The following RRAS variants were observed in gnomAD, a reference collection of about 807,000 sequenced individuals.
The protein encoded by RRAS is ras-related protein R-Ras.
RRAS carries 18 observed loss-of-function variants against 23.3 expected under a neutral mutation model. The ratio of observed to expected loss-of-function variants is 0.77; its 90% confidence interval spans 0.53 to 1.15. The LOEUF (loss-of-function observed/expected upper bound fraction) is 1.15, where lower values mean the gene tolerates loss of function less well. Among genes scored for constraint, RRAS ranks in the 50% most tolerant of loss-of-function variants. The probability of loss-of-function intolerance (pLI) is 0.00; values close to 1 mark genes in which losing one functional copy is unlikely to be tolerated. For missense variants in RRAS, 291 were observed against 317.1 expected, an observed-to-expected ratio of 0.92 and a Z score of 0.62; for synonymous variants, 133 against 138.3, an observed-to-expected ratio of 0.96 and a Z score of 0.27.
At chr19:49,635,706 A>G (rs774957900) in intron 5 of RRAS, 28 bp downstream of exon 5, 2 of 1,544,058 alleles carry the variant, frequency 1.3e-6, no homozygotes, top group South Asian at 1.2e-5. Context: ...GCTGGGGACA[A>G]GGACGACAGG....
At position 49,636,881 on chromosome 19, in the gene RRAS, T is replaced by G. The variant is rs1192219858; in HGVS notation, c.287A>C (p.Gln96Pro). Residue 96 changes from glutamine to proline, a missense_variant, in exon 3 of 6, where the codon CAG (glutamine) becomes CCG (proline). Physicochemically the swap from Gln to Pro is moderately conservative, Grantham distance 76. Transcript: ENST00000246792. This position sits in a 1 kb window ranked among gnomAD's most constrained non-coding sequence, Gnocchi z 4.5. ...GQEEFGAMRE[Q>P]YMRAGHGFLL... is the part of the protein sequence containing the mutation. ...GAAGCCGTGGCCAGCACGCATGTAC[T>G]GCTCTCTCATGGCCCCGAACTCTTC... The G allele has an allele frequency of 6.2e-7, 1 of 1,613,552 alleles. No individual in the cohort carries two copies.
intron 2 of RRAS, 42 bp downstream of exon 2, chr19:49,637,001 C>G: frequency 1.9e-6 from 3 of 1,608,854 alleles, no homozygotes; most frequent in Non-Finnish European, 2.6e-6. Context: ...TCAGCCCCCA[C>G]TGACACCACC....
chr19:49,636,669 A>G lies in RRAS; in HGVS notation c.403T>C (p.Phe135Leu). 1.9e-6 allele frequency: 3 copies of G among 1,614,132 alleles called. No individual in the cohort carries two copies. The highest frequency in any genetic ancestry group is 1.7e-6 in the Non-Finnish European group (2 of 1,179,984). Reference sequence around the variant, plus strand: ...TTGTTCCCGACCAACACAACGGGGAAGTCGTCGCGGTCCTTGACCCGCAGA... The same window carrying G: ...TTGTTCCCGACCAACACAACGGGGAGGTCGTCGCGGTCCTTGACCCGCAGA... ...QILRVKDRDD[F>L]PVVLVGNKAD... Residue 135 changes from phenylalanine (F) to leucine (L), a missense_variant, in exon 4 of 6, where the codon TTC becomes CTC. Transcript: ENST00000246792. This position sits in a 1 kb window ranked among gnomAD's most constrained non-coding sequence, Gnocchi z 4.5.
At chr19:49,638,176 CG>C (rs2081005700) in intron 1 of RRAS, among the ~76,000 whole-genome samples, 1 of 152,130 alleles carries the variant, frequency 6.6e-6, no homozygotes, top group African/African-American at 2.4e-5. Context: ...AATCCGGCTG[CG>C]GAGAGGCTGC....
intron 1 of RRAS, among the ~76,000 whole-genome samples, chr19:49,638,400 G>A (rs765075081): frequency 1.5e-4 from 23 of 152,202 alleles, no homozygotes; most frequent in Admixed American, 5.2e-4. Context: ...GCGGTAGCAT[G>A]TCAGGCCAAG....
At position 49,636,987 on chromosome 19, in the gene RRAS, G is replaced by C; in HGVS notation, c.241+56C>G. On this transcript the variant is annotated intron_variant, in intron 2 of 5. Transcript: ENST00000246792. This position sits in a 1 kb window ranked among gnomAD's most constrained non-coding sequence, Gnocchi z 4.5. ...AGGCTCCCCGCAGTCACCCCCAAGA[G>C]CCCTCAGCCCCCACTGACACCACCC... 1 of 1,606,056 alleles carries C rather than the reference G, an allele frequency of 6.2e-7. No individual in the cohort carries two copies. Among genetic ancestry groups the C allele is most frequent in the East Asian group, 2.2e-5 (1 of 44,822 alleles).
At chr19:49,639,091 G>A (rs2081010107) in intron 1 of RRAS, among the ~76,000 whole-genome samples, 1 of 152,034 alleles carries the variant, frequency 6.6e-6, no homozygotes, top group African/African-American at 2.4e-5. Context: ...GCCAGGGTCT[G>A]GGTAGAATTT....
intron 1 of RRAS, among the ~76,000 whole-genome samples, chr19:49,638,700 A>G (rs1196143019): frequency 2.6e-5 from 4 of 152,134 alleles, no homozygotes; most frequent in Admixed American, 1.3e-4. Flanking sequence ...GAGGTGGCTC[A>G]GGGGTTTTGG....
chr19:49,638,081 C>T (rs1204270689), intron 1 of RRAS, among the ~76,000 whole-genome samples: 1 of 151,942 alleles, frequency 6.6e-6, no homozygotes. Flanking sequence ...CCCTCTCTTC[C>T]TCCTCCCCCG....
At position 49,637,084 on chromosome 19, in the gene RRAS, G is replaced by T; in HGVS notation, c.200C>A (p.Thr67Lys). 1 of 1,613,620 alleles carries T rather than the reference G, an allele frequency of 6.2e-7. No individual in the cohort carries two copies. Among genetic ancestry groups the T allele is most frequent in the South Asian group, 1.1e-5 (1 of 91,034 alleles). Residue 67 changes from threonine to lysine, a missense_variant, in exon 2 of 6, where the codon ACG becomes AAG. Thr to Lys is a moderately conservative substitution (Grantham distance 78). Coordinates refer to ENST00000246792, the MANE Select transcript of RRAS (RefSeq NM_006270.5). Reference sequence around the variant, plus strand: ...GATGCCATCCACACTGCAGATCTTCGTGTAGGAGTCCTCAATAGTGGGGTC... The same window carrying T: ...GATGCCATCCACACTGCAGATCTTCTTGTAGGAGTCCTCAATAGTGGGGTC... ...DYDPTIEDSYTKICSVDGIPA... is the reference protein window; with the variant it reads ...DYDPTIEDSYKKICSVDGIPA...
chr19:49,635,509 TCA>T lies in RRAS; in HGVS notation c.*65_*66del. The T allele has an allele frequency of 1.9e-6, 2 of 1,031,304 alleles. No homozygotes were observed. The highest frequency in any genetic ancestry group is 2.7e-6 in the Non-Finnish European group (2 of 746,166). 63.9% of individuals were successfully genotyped at this position (1,031,304 alleles called of 1,614,324 possible). A position where few individuals can be genotyped will look rare whatever the true frequency, so the allele number is the denominator to read the frequency against. On this transcript the variant is annotated 3_prime_UTR_variant, in exon 6 of 6. Coordinates refer to ENST00000246792, the MANE Select transcript of RRAS (RefSeq NM_006270.5). ...ATTGAGGCTCAGTGAGGGCCTCAGG[TCA>T]CACAGCAAGGTGCGAAGGCAGCTAG...
Position 49,635,644 on chromosome 19 carries a change from C to T in RRAS, c.589G>A (p.Glu197Lys). The T allele has an allele frequency of 6.9e-7, 1 of 1,457,604 alleles. No homozygotes were observed. The highest frequency in any genetic ancestry group is 9.2e-7 in the Non-Finnish European group (1 of 1,092,482). 90.3% of individuals were successfully genotyped at this position (1,457,604 alleles called of 1,614,324 possible). The stretch of plus-strand genomic sequence containing the variant: ...GCACTGGGAGGGCTCGGTGGGAGCT[C>T]TTGTTCCTGGTATTTCCTGTGGGAA... ...VRAVRKYQEQ[E>K]LPPSPPSAPR... The change falls in exon 6 of 6, where the codon GAG becomes AAG. Residue 197 changes from glutamate (E) to lysine (K), a missense_variant. Coordinates refer to ENST00000246792, the MANE Select transcript of RRAS (RefSeq NM_006270.5).
chr19:49,635,945 A>T (rs1434049419), intron 4 of RRAS, 93 bp from the exon 5 acceptor site: 2 of 614,300 alleles, frequency 3.3e-6, no homozygotes, highest in Non-Finnish European at 5.6e-6. Context: ...ACTCTAGGAG[A>T]GGTGACCCAC....
Position 49,635,502 on chromosome 19 carries a change from C to T in RRAS, c.*74G>A, listed in dbSNP as rs2080991569. 2.2e-6 allele frequency: 2 copies of T among 924,696 alleles called. No individual in the cohort carries two copies. Among genetic ancestry groups the T allele is most frequent in the South Asian group, 2.9e-5 (1 of 34,788 alleles). The allele number at this position is 924,696 out of a possible 1,614,324, so 57.3% of individuals were successfully genotyped here. ...TGAGGAAATTGAGGCTCAGTGAGGGCCTCAGGTCACACAGCAAGGTGCGAA... is the reference window on the plus strand; with the variant it reads ...TGAGGAAATTGAGGCTCAGTGAGGGTCTCAGGTCACACAGCAAGGTGCGAA... On this transcript the variant is annotated 3_prime_UTR_variant, in exon 6 of 6. Transcript: ENST00000246792.
Position 49,640,086 on chromosome 19 carries a change from C to A in RRAS, c.13G>T (p.Ala5Ser). 7.2e-7 allele frequency: 1 copy of A among 1,397,612 alleles called. No homozygotes were observed. The highest frequency in any genetic ancestry group is 2.6e-4 in the Middle Eastern group (1 of 3,796). The allele number at this position is 1,397,612 out of a possible 1,614,324, so 86.6% of individuals were successfully genotyped here. The part of the protein sequence containing the change: MSSG[A>S]ASGTGRGRPR... ...CGCCCCCGCCCTGTCCCGGACGCCGCCCCGCTGCTCATGTCGCCACCGCTG... is the reference window on the plus strand; with the variant it reads ...CGCCCCCGCCCTGTCCCGGACGCCGACCCGCTGCTCATGTCGCCACCGCTG... The change falls in exon 1 of 6, where the codon GCG becomes TCG. Residue 5 changes from alanine to serine, a missense_variant. Physicochemically the swap from Ala to Ser is moderately conservative, Grantham distance 99 (BLOSUM62 1). Coordinates refer to ENST00000246792, the MANE Select transcript of RRAS (RefSeq NM_006270.5).
chr19:49,636,592 G>T lies in RRAS; in HGVS notation c.453+27C>A, dbSNP rs776651282. 3.8e-5 allele frequency: 59 copies of T among 1,534,200 alleles called. No individual in the cohort carries two copies. The Admixed American group carries it at 4.7e-4, about 12-fold the overall frequency. On this transcript the variant is annotated intron_variant, in intron 4 of 5. Coordinates refer to ENST00000246792, the MANE Select transcript of RRAS (RefSeq NM_006270.5). This position sits in a 1 kb window ranked among gnomAD's most constrained non-coding sequence, Gnocchi z 4.5. ...AAGGAGCCTCCCAGACTGAGATGGGGTCCCCAGAAAGAGGGGTGTCCCGAA... is the reference window on the plus strand; with the variant it reads ...AAGGAGCCTCCCAGACTGAGATGGGTTCCCCAGAAAGAGGGGTGTCCCGAA...
rs2080991106 is a variant in RRAS at position 49,635,382 on chromosome 19, G to T, written c.*194C>A. ...CCTCACCCCCACCAGGCTTAGGTGG[G>T]GACAGGAGGCGTTGGCAGAAGGCAC... On this transcript the variant is annotated 3_prime_UTR_variant, in exon 6 of 6. Coordinates refer to ENST00000246792, the MANE Select transcript of RRAS (RefSeq NM_006270.5). 7.6e-6 allele frequency: 3 copies of T among 394,796 alleles called. No individual in the cohort carries two copies. Among genetic ancestry groups the T allele is most frequent in the Non-Finnish European group, 1.3e-5 (3 of 223,398 alleles). 24.5% of individuals were successfully genotyped at this position (394,796 alleles called of 1,614,324 possible).
At position 49,637,195 on chromosome 19, in the gene RRAS, G is replaced by C; in HGVS notation, c.154-65C>G. 7.5e-6 allele frequency: 9 copies of C among 1,199,640 alleles called. No individual in the cohort carries two copies. In the South Asian group the frequency reaches 1.2e-4, roughly 15 times the overall value. 74.3% of individuals were successfully genotyped at this position (1,199,640 alleles called of 1,614,324 possible). ...GCAGACAGGACGAAGCCCTGCCCTT[G>C]GGATGCCTCTCTCAGTCTCTGTCCC... On this transcript the variant is annotated intron_variant, in intron 1 of 5. Transcript: ENST00000246792.
intron 1 of RRAS, among the ~76,000 whole-genome samples, chr19:49,639,635 T>A (rs1031625507): frequency 6.6e-6 from 1 of 151,174 alleles, no homozygotes; most frequent in African/African-American, 2.4e-5. Flanking sequence ...AGGGTCCGAA[T>A]GGGGTGAGTA....
Sources: gnomAD v4.1 joint callset for allele counts (sites outside exome capture counted in the v4.1 genomes callset) on GRCh38, gnomAD v4.1.1 for gene constraint, Gnocchi (gnomAD v3.1) non-coding constraint, MANE v1.5 for transcripts, NCBI Gene and HGNC (gene_info 2026-07-23, HGNC 2026-07-21) for gene names.